Variants in EPHA5 observed in about 807,000 individuals in gnomAD.
The protein encoded by EPHA5 is EPH receptor A5, also known as ephrin type-A receptor 5.
Under a neutral mutation model 105.0 loss-of-function variants are expected in EPHA5, and 60 were observed. That is an observed-to-expected ratio of 0.57 (90% CI 0.46 to 0.71). The LOEUF (loss-of-function observed/expected upper bound fraction) is 0.71. Ranked by LOEUF, EPHA5 falls within the 30% of genes least tolerant of loss-of-function variation. The pLI is 0.00. For missense variants in EPHA5, 1,218 were observed against 1,274.7 expected, an observed-to-expected ratio of 0.96 and a Z score of 0.68; for synonymous variants, 513 against 449.1, an observed-to-expected ratio of 1.14 and a Z score of -1.80.
chr4:65,441,525 A>G (rs539780882), intron 5 of EPHA5, among the ~76,000 whole-genome samples: 1 of 152,050 alleles, frequency 6.6e-6, no homozygotes, highest in African/African-American at 2.4e-5. Flanking sequence ...GAAAATTTTT[A>G]AAAAAGGCAG....
chr4:65,622,860 T>A (rs1745826421), intron 2 of EPHA5, among the ~76,000 whole-genome samples: 2 of 152,062 alleles, frequency 1.3e-5, no homozygotes, highest in Non-Finnish European at 2.9e-5. Flanking sequence ...TGTGTAATAT[T>A]TAAACCTCAA....
intron 7 of EPHA5, among the ~76,000 whole-genome samples, chr4:65,409,322 C>A (rs1183786243): frequency 4.5e-5 from 2 of 44,276 alleles, no homozygotes; most frequent in South Asian, 2.3e-3. Context: ...CACATGTACC[C>A]TAAAACTTAA....
chr4:65,525,106 T>C (rs1214125728), intron 3 of EPHA5, among the ~76,000 whole-genome samples: 2 of 151,746 alleles, frequency 1.3e-5, no homozygotes, highest in African/African-American at 2.4e-5. Flanking sequence ...TATTTGAAGG[T>C]AATAACAGAT....
chr4:65,337,477 C>A (rs1288652084), intron 14 of EPHA5, among the ~76,000 whole-genome samples: 1 of 152,002 alleles, frequency 6.6e-6, no homozygotes, highest in Non-Finnish European at 1.5e-5. Context: ...GGAAAGAAAG[C>A]ATTCTCCTTA....
chr4:65,516,099 AG>A (rs1485869830), intron 3 of EPHA5, among the ~76,000 whole-genome samples: 1 of 152,096 alleles, frequency 6.6e-6, no homozygotes, highest in Non-Finnish European at 1.5e-5. Context: ...AACACACATA[AG>A]TAGTTGATCC....
At chr4:65,666,169 C>T (rs755229428) in intron 1 of EPHA5, among the ~76,000 whole-genome samples, 13 of 152,224 alleles carry the variant, frequency 8.5e-5, no homozygotes, top group Admixed American at 2.6e-4. Context: ...GGCAGTTTAG[C>T]CTTTTCTTCC....
chr4:65,445,912 A>C (rs1474058990), intron 5 of EPHA5, among the ~76,000 whole-genome samples: 1 of 152,154 alleles, frequency 6.6e-6, no homozygotes, highest in African/African-American at 2.4e-5. Context: ...TACTGAGTTC[A>C]TTCTGAAATT....
intron 14 of EPHA5, among the ~76,000 whole-genome samples, chr4:65,347,755 C>T (rs1426677145): frequency 2.0e-5 from 3 of 152,044 alleles, no homozygotes; most frequent in Non-Finnish European, 4.4e-5. Context: ...TTTGATGGCT[C>T]TTTCTTTATC....
At chr4:65,448,874 A>C (rs1334957843) in intron 5 of EPHA5, among the ~76,000 whole-genome samples, 1 of 152,184 alleles carries the variant, frequency 6.6e-6, no homozygotes, top group Non-Finnish European at 1.5e-5. Flanking sequence ...ATAATATATA[A>C]GAAAATAAAT....
chr4:65,652,594 C>G (rs1450773373), intron 1 of EPHA5, among the ~76,000 whole-genome samples: 1 of 152,134 alleles, frequency 6.6e-6, no homozygotes, highest in Middle Eastern at 3.2e-3. Context: ...GTATCTATAT[C>G]ATACTCGCCC....
At chr4:65,659,122 T>C (rs1258615401) in intron 1 of EPHA5, among the ~76,000 whole-genome samples, 1 of 151,888 alleles carries the variant, frequency 6.6e-6, no homozygotes, top group East Asian at 1.9e-4. Context: ...CCCAAAATAA[T>C]ATAATCTATC....
chr4:65,469,685 T>A (rs376571561), intron 5 of EPHA5, among the ~76,000 whole-genome samples: 10 of 152,226 alleles, frequency 6.6e-5, no homozygotes, highest in Admixed American at 3.9e-4. Flanking sequence ...CACAAAAAAA[T>A]TAGATATTTC....
intron 11 of EPHA5, among the ~76,000 whole-genome samples, chr4:65,356,860 A>G (rs1201687902): frequency 6.6e-6 from 1 of 151,446 alleles, no homozygotes; most frequent in African/African-American, 2.4e-5. Flanking sequence ...AATAATTAAC[A>G]TGGCTTACTC....
At chr4:65,659,735 A>G (rs78939677) in intron 1 of EPHA5, among the ~76,000 whole-genome samples, 5,425 of 152,242 alleles carry the variant, frequency 0.036, 315 homozygotes, top group African/African-American at 0.12. Flanking sequence ...GCACACGCAT[A>G]CATTTTAAAA....
At chr4:65,637,800 C>T (rs1212286697) in intron 2 of EPHA5, among the ~76,000 whole-genome samples, 2 of 151,654 alleles carry the variant, frequency 1.3e-5, no homozygotes, top group Non-Finnish European at 2.9e-5. Context: ...ATAAGTTATC[C>T]TTCCAATAAA....
intron 1 of EPHA5, among the ~76,000 whole-genome samples, chr4:65,663,267 C>A (rs558337771): frequency 1.3e-5 from 2 of 152,188 alleles, no homozygotes; most frequent in African/African-American, 4.8e-5. Flanking sequence ...CTTATGGTTT[C>A]TTTAAATCAC....
chr4:65,388,939 T>C (rs548808051), intron 8 of EPHA5, among the ~76,000 whole-genome samples: 59 of 152,232 alleles, frequency 3.9e-4, no homozygotes, highest in South Asian at 2.9e-3. Flanking sequence ...AGGGTTTTTA[T>C]GGTTTTAGGT....
At chr4:65,385,940 T>G (rs1055694094) in intron 8 of EPHA5, among the ~76,000 whole-genome samples, 1 of 151,880 alleles carries the variant, frequency 6.6e-6, no homozygotes, top group Non-Finnish European at 1.5e-5. Context: ...ATAATACCCG[T>G]GTAGCTGCTT....
intron 5 of EPHA5, among the ~76,000 whole-genome samples, chr4:65,424,379 G>T (rs553838843): frequency 6.6e-6 from 1 of 152,114 alleles, no homozygotes; most frequent in Non-Finnish European, 1.5e-5. Context: ...TTGACTTCAG[G>T]TATTTTGGCA....
Sources: gnomAD v4.1 joint callset for allele counts (sites outside exome capture counted in the v4.1 genomes callset) on GRCh38, gnomAD v4.1.1 for gene constraint, MANE v1.5 for transcripts, NCBI Gene and HGNC (gene_info 2026-07-23, HGNC 2026-07-21) for gene names.